DNAJC1: variants seen among roughly 807,000 people sequenced by gnomAD.
DNAJC1 encodes the protein DnaJ heat shock protein family (Hsp40) member C1.
In DNAJC1, 58 loss-of-function variants were observed where a neutral mutation model predicts 76.6. The observed-to-expected ratio is 0.76, with a 90% CI of 0.61 to 0.94. DNAJC1 has a LOEUF of 0.94. DNAJC1 is among the 40% of genes least tolerant of loss of function. DNAJC1 has a pLI of 0.00. For missense variants in DNAJC1, 689 were observed against 677.3 expected (o/e 1.02, Z -0.19); for synonymous variants, 258 against 267.9 (o/e 0.96, Z 0.36).
chr10:21,940,974 A>G (rs901814473), intron 1 of DNAJC1, among the ~76,000 whole-genome samples: 1 of 151,794 alleles, frequency 6.6e-6, no homozygotes, highest in African/African-American at 2.4e-5. Flanking sequence ...ACAACTGGCC[A>G]GGCGCGGTAG....
rs979369484 is a variant in DNAJC1 at position 21,842,980 on chromosome 10, A to T, written c.979-36881T>A. Among the ~76,000 whole-genome samples the T allele has an allele frequency of 4.6e-5, 7 of 152,324 alleles. No individual in the cohort carries two copies. The South Asian group carries it at 8.3e-4, about 18-fold the overall frequency. ...CATAGTAGTCAACAGATTTCTTATT[A>T]GTTGAATAAATAAAAAGCAGCGAAA... On this transcript the variant is annotated intron_variant, in intron 8 of 11. Transcript: ENST00000376980.
At chr10:21,774,456 T>C (rs1034783972) in intron 9 of DNAJC1, among the ~76,000 whole-genome samples, 11 of 152,212 alleles carry the variant, frequency 7.2e-5, no homozygotes, top group Non-Finnish European at 1.5e-4. Context: ...CATTGTTTTT[T>C]CATCTTATAT....
chr10:21,928,127 G>A (rs1837159147), intron 3 of DNAJC1, among the ~76,000 whole-genome samples: 1 of 152,174 alleles, frequency 6.6e-6, no homozygotes, highest in African/African-American at 2.4e-5. Context: ...TAAGGAATGG[G>A]GGGGAAAAGC....
At chr10:21,828,568 A>C (rs935748527) in intron 8 of DNAJC1, among the ~76,000 whole-genome samples, 1 of 152,164 alleles carries the variant, frequency 6.6e-6, no homozygotes, top group African/African-American at 2.4e-5. Flanking sequence ...AAAAAATTTA[A>C]ACATATGATA....
intron 6 of DNAJC1, among the ~76,000 whole-genome samples, chr10:21,916,526 A>T (rs1420380761): frequency 6.6e-6 from 1 of 152,160 alleles, no homozygotes; most frequent in South Asian, 2.1e-4. Context: ...CAATGGTCCT[A>T]TATCACAAGA....
At chr10:21,877,079 G>C (rs1836199065) in intron 8 of DNAJC1, among the ~76,000 whole-genome samples, 3 of 152,044 alleles carry the variant, frequency 2.0e-5, no homozygotes, top group African/African-American at 7.2e-5. Context: ...GGTTGGACCA[G>C]ACTTGGCAGC....
At chr10:21,957,326 T>C (rs1203327527) in intron 1 of DNAJC1, among the ~76,000 whole-genome samples, 1 of 152,236 alleles carries the variant, frequency 6.6e-6, no homozygotes, top group Non-Finnish European at 1.5e-5. Flanking sequence ...CTTAACTTTA[T>C]CATTAATACT....
intron 7 of DNAJC1, 150 bp downstream of exon 7, chr10:21,904,372 A>C (rs1836708241): frequency 6.8e-6 from 3 of 442,752 alleles, no homozygotes; most frequent in Non-Finnish European, 1.2e-5. Flanking sequence ...TCCATGTCAA[A>C]TACATTAAGT....
At chr10:21,816,766 C>T (rs1351980935) in intron 8 of DNAJC1, among the ~76,000 whole-genome samples, 7 of 144,354 alleles carry the variant, frequency 4.8e-5, no homozygotes, top group East Asian at 2.3e-4. Flanking sequence ...AGGATGGTCT[C>T]GATCTCCTGA....
At chr10:21,775,757 A>C (rs545706027) in intron 9 of DNAJC1, among the ~76,000 whole-genome samples, 1 of 152,094 alleles carries the variant, frequency 6.6e-6, no homozygotes, top group Non-Finnish European at 1.5e-5. Flanking sequence ...AAGATATAGG[A>C]CTTTTTTGTA....
intron 9 of DNAJC1, chr10:21,803,776 ATTTTT>A (rs1158282320): frequency 1.1e-6 from 1 of 916,776 alleles, no homozygotes; most frequent in Non-Finnish European, 1.3e-6. Flanking sequence ...TTATAATGGC[ATTTTT>A]TTGTACAACA....
At chr10:21,833,136 G>T (rs1835388433) in intron 8 of DNAJC1, among the ~76,000 whole-genome samples, 1 of 152,150 alleles carries the variant, frequency 6.6e-6, no homozygotes. Context: ...TTAGCTCTTT[G>T]TCTGACCTTT....
intron 1 of DNAJC1, among the ~76,000 whole-genome samples, chr10:21,987,171 A>C (rs1330891297): frequency 6.6e-6 from 1 of 152,230 alleles, no homozygotes; most frequent in East Asian, 1.9e-4. Flanking sequence ...AATTATGTTT[A>C]ATGGGAAAAC....
chr10:21,789,441 T>A (rs574055192), intron 9 of DNAJC1, among the ~76,000 whole-genome samples: 60 of 152,178 alleles, frequency 3.9e-4, no homozygotes, highest in African/African-American at 1.4e-3. Flanking sequence ...CAGACATCAA[T>A]ACAGGGACAC....
intron 1 of DNAJC1, among the ~76,000 whole-genome samples, chr10:21,952,214 A>C (rs1472282167): frequency 1.3e-5 from 2 of 152,232 alleles, no homozygotes; most frequent in Non-Finnish European, 2.9e-5. Context: ...TAAAACCCCC[A>C]AAAACTACTT....
intron 3 of DNAJC1, among the ~76,000 whole-genome samples, chr10:21,926,931 T>C (rs2807982): frequency 6.6e-6 from 1 of 151,950 alleles, no homozygotes; most frequent in Non-Finnish European, 1.5e-5. Flanking sequence ...GAAATAATTT[T>C]GGTAACTGAA....
intron 1 of DNAJC1, among the ~76,000 whole-genome samples, chr10:21,953,405 A>G (rs978605726): frequency 8.5e-5 from 13 of 152,066 alleles, no homozygotes; most frequent in Admixed American, 7.9e-4. Context: ...ACAAATATTA[A>G]TAATGATTTA....
chr10:21,827,624 T>C (rs1835284809), intron 8 of DNAJC1, among the ~76,000 whole-genome samples: 1 of 152,218 alleles, frequency 6.6e-6, no homozygotes. Flanking sequence ...CGTCATCATA[T>C]GGCCTTTTTC....
At chr10:21,906,291 C>A (rs1258145706) in intron 6 of DNAJC1, among the ~76,000 whole-genome samples, 1 of 152,034 alleles carries the variant, frequency 6.6e-6, no homozygotes, top group Non-Finnish European at 1.5e-5. Flanking sequence ...TCCTCCCATG[C>A]CCATATATAG....
Sources: allele counts gnomAD v4.1 joint callset (sites outside exome capture counted in the v4.1 genomes callset), GRCh38; gene constraint gnomAD v4.1.1; transcripts MANE v1.5; gene names NCBI Gene and HGNC (gene_info 2026-07-23, HGNC 2026-07-21).